The following USP6NL variants were observed in gnomAD, a reference collection of about 807,000 sequenced individuals.
USP6NL encodes USP6 N-terminal-like protein.
USP6NL carries 26 observed loss-of-function variants against 61.9 expected under a neutral mutation model. The observed-to-expected ratio is 0.42, with a 90% CI of 0.31 to 0.58. The LOEUF is 0.58. USP6NL is among the 20% of genes least tolerant of loss of function. USP6NL has a pLI of 0.16. For synonymous variants in USP6NL, 432 were observed against 390.1 expected (o/e 1.11, Z -1.27); for missense variants, 1,114 against 1,034.3 (o/e 1.08, Z -1.06).
chr10:11,494,325 G>C (rs182135050), intron 7 of USP6NL, among the ~76,000 whole-genome samples: 2 of 152,184 alleles, frequency 1.3e-5, no homozygotes, highest in African/African-American at 4.8e-5. Context: ...TTATCCACAG[G>C]GTTGGGTACT....
rs1838568784 is a variant in USP6NL, at chr10:11,602,483, T to C, written c.-83-4766A>G. ...CGAGTAGCTATTATGAGCCAGGCAG[T>C]GTACTAGGCACCGCAGACACTGCCA... On this transcript the variant is annotated intron_variant, in intron 1 of 14. Coordinates refer to ENST00000609104, the MANE Select transcript of USP6NL (RefSeq NM_014688.5). This position sits in a 1 kb window ranked among gnomAD's most constrained non-coding sequence, Gnocchi z 4.8. 6.6e-6 allele frequency among the ~76,000 whole-genome samples: 1 copy of C among 152,204 alleles called. No homozygotes were observed. The highest frequency in any genetic ancestry group is 2.1e-4 in the South Asian group (1 of 4,834).
chr10:11,486,038 T>C (rs1833453516), intron 10 of USP6NL, 127 bp from the exon 11 acceptor site: 1 of 637,882 alleles, frequency 1.6e-6, no homozygotes, highest in African/African-American at 1.9e-5. Flanking sequence ...TACCAAAATA[T>C]TTTTTCTCCC....
chr10:11,467,825 T>C (rs1020178959), intron 14 of USP6NL, among the ~76,000 whole-genome samples: 9 of 152,248 alleles, frequency 5.9e-5, no homozygotes, highest in Non-Finnish European at 1.2e-4. Flanking sequence ...ATATTTTTTC[T>C]GCTGTAAACA....
chr10:11,539,436 C>A lies in USP6NL; in HGVS notation c.5-11869G>T, dbSNP rs527362374. On this transcript the variant is annotated intron_variant, in intron 2 of 14. Coordinates refer to ENST00000609104, the MANE Select transcript of USP6NL (RefSeq NM_014688.5). Reference sequence around the variant, plus strand: ...CACTTAGTGACTCCCTGGAACCCACCAAATCAGACTAGTAACTCCTACATT... The same window carrying A: ...CACTTAGTGACTCCCTGGAACCCACAAAATCAGACTAGTAACTCCTACATT... Among the ~76,000 whole-genome samples the A allele has an allele frequency of 5.9e-5, 9 of 152,334 alleles. No individual in the cohort carries two copies. The South Asian group carries it at 1.7e-3, about 28-fold the overall frequency.
At chr10:11,506,393 A>G (rs1566143465) in intron 6 of USP6NL, among the ~76,000 whole-genome samples, 1 of 152,156 alleles carries the variant, frequency 6.6e-6, no homozygotes, top group African/African-American at 2.4e-5. Flanking sequence ...TGTAATCCCA[A>G]TGCTTTTGGA....
At position 11,518,287 on chromosome 10, in the gene USP6NL, C is replaced by G. The variant is rs1232149007; in HGVS notation, c.195+248G>C. Among the ~76,000 whole-genome samples the G allele has an allele frequency of 6.6e-6, 1 of 152,194 alleles. No individual in the cohort carries two copies. Among genetic ancestry groups the G allele is most frequent in the African/African-American group, 2.4e-5 (1 of 41,452 alleles). On this transcript the variant is annotated intron_variant, in intron 5 of 14. Transcript: ENST00000609104. The surrounding 1 kb of genome is among the most constrained non-coding windows in gnomAD (Gnocchi z 5.3). The stretch of plus-strand genomic sequence containing the variant: ...CTCTCAAAGCCTCTCTGTTCTGAAG[C>G]ACGCCTAGCTCAGGACCTGCCAGTC...
rs565655197 is a variant in USP6NL, at chr10:11,553,293, C to T, written c.5-25726G>A. Among the ~76,000 whole-genome samples the T allele has an allele frequency of 1.2e-4, 19 of 152,240 alleles. No individual in the cohort carries two copies. Among genetic ancestry groups the T allele is most frequent in the African/African-American group, 3.4e-4 (14 of 41,534 alleles). Reference sequence around the variant, plus strand: ...TATTGGGATCATTTGGCAGGCATGTCGCAAGTAACTTGCCAATAATGACAA... The same window carrying T: ...TATTGGGATCATTTGGCAGGCATGTTGCAAGTAACTTGCCAATAATGACAA... On this transcript the variant is annotated intron_variant, in intron 2 of 14. Coordinates refer to ENST00000609104, the MANE Select transcript of USP6NL (RefSeq NM_014688.5). This position sits in a 1 kb window ranked among gnomAD's most constrained non-coding sequence, Gnocchi z 4.8.
Position 11,463,115 on chromosome 10 carries a change from A to C in USP6NL, c.1813T>G (p.Phe605Val). ...SPSKVSNKFT[F>V]KVQPPSHARY... is the part of the protein sequence containing the mutation. Reference sequence around the variant, plus strand: ...GCATGACTTGGAGGCTGTACTTTAAAAGTAAACTTGTTGGATACTTTTGAT... The same window carrying C: ...GCATGACTTGGAGGCTGTACTTTAACAGTAAACTTGTTGGATACTTTTGAT... Residue 605 changes from phenylalanine to valine, a missense_variant, in exon 15 of 15, where the codon TTT (phenylalanine) becomes GTT (valine). Coordinates refer to ENST00000609104, the MANE Select transcript of USP6NL (RefSeq NM_014688.5). The surrounding 1 kb of genome is among the most constrained non-coding windows in gnomAD (Gnocchi z 6.3). 3 of 1,614,004 alleles carry C rather than the reference A, an allele frequency of 1.9e-6. No individual in the cohort carries two copies. The highest frequency in any genetic ancestry group is 2.5e-6 in the Non-Finnish European group (3 of 1,179,892).
intron 6 of USP6NL, among the ~76,000 whole-genome samples, chr10:11,503,433 C>T (rs1037325576): frequency 6.6e-6 from 1 of 152,066 alleles, no homozygotes; most frequent in Non-Finnish European, 1.5e-5. Context: ...AAAAAAACTC[C>T]ATCAAATGGC....
At chr10:11,524,203 C>A (rs1471289680) in intron 4 of USP6NL, among the ~76,000 whole-genome samples, 1 of 152,082 alleles carries the variant, frequency 6.6e-6, no homozygotes. Context: ...AGAAACAGGG[C>A]AAAACCTGTC....
Position 11,597,625 on chromosome 10 carries a change from A to G in USP6NL, c.4+6T>C. On this transcript the variant is annotated splice_donor_region_variant and intron_variant, in intron 2 of 14. Transcript: ENST00000609104. The surrounding 1 kb of genome is among the most constrained non-coding windows in gnomAD (Gnocchi z 4.6). ...TGGCTGGAAGGAAAGGAAGCAGCGCACTTACTCATGACTGGAAATGGGTCT... is the reference window on the plus strand; with the variant it reads ...TGGCTGGAAGGAAAGGAAGCAGCGCGCTTACTCATGACTGGAAATGGGTCT... 6.4e-7 allele frequency: 1 copy of G among 1,551,626 alleles called. No homozygotes were observed. The highest frequency in any genetic ancestry group is 1.2e-5 in the South Asian group (1 of 84,056).
chr10:11,466,573 T>C (rs1001146992), intron 14 of USP6NL, among the ~76,000 whole-genome samples: 2 of 152,200 alleles, frequency 1.3e-5, no homozygotes, highest in East Asian at 1.9e-4. Flanking sequence ...AAGAAAAACC[T>C]AGCATATTTC....
intron 5 of USP6NL, among the ~76,000 whole-genome samples, chr10:11,517,668 A>C (rs974008816): frequency 6.6e-6 from 1 of 152,248 alleles, no homozygotes; most frequent in Non-Finnish European, 1.5e-5. Flanking sequence ...CTCTATATAC[A>C]TAAAATGGCA....
intron 2 of USP6NL, among the ~76,000 whole-genome samples, chr10:11,531,367 G>C (rs989260339): frequency 6.6e-6 from 1 of 151,318 alleles, no homozygotes; most frequent in Non-Finnish European, 1.5e-5. Flanking sequence ...CTGTTGCCCA[G>C]GCTGGAGTGC....
chr10:11,543,482 C>T (rs1020337802), intron 2 of USP6NL, among the ~76,000 whole-genome samples: 24 of 151,798 alleles, frequency 1.6e-4, no homozygotes, highest in African/African-American at 4.8e-4. Context: ...GCAGAGCTTG[C>T]AGTGAGCTGA....
rs1836360032 is a variant in USP6NL, at chr10:11,548,366, A to G, written c.5-20799T>C. Among the ~76,000 whole-genome samples the G allele has an allele frequency of 6.6e-6, 1 of 152,226 alleles. No individual in the cohort carries two copies. Among genetic ancestry groups the G allele is most frequent in the African/African-American group, 2.4e-5 (1 of 41,454 alleles). On this transcript the variant is annotated intron_variant, in intron 2 of 14. Coordinates refer to ENST00000609104, the MANE Select transcript of USP6NL (RefSeq NM_014688.5). This position sits in a 1 kb window ranked among gnomAD's most constrained non-coding sequence, Gnocchi z 4.3. Reference sequence around the variant, plus strand: ...ACTTTTATTTTCTGGCTGTTAAGTCAATTTAATGGGTTCTTATTAGCACAT... The same window carrying G: ...ACTTTTATTTTCTGGCTGTTAAGTCGATTTAATGGGTTCTTATTAGCACAT...
At position 11,512,077 on chromosome 10, in the gene USP6NL, C is replaced by A. The variant is rs551560198; in HGVS notation, c.196-2402G>T. 5.3e-5 allele frequency among the ~76,000 whole-genome samples: 8 copies of A among 152,224 alleles called. No individual in the cohort carries two copies. In the South Asian group the frequency reaches 1.7e-3, roughly 32 times the overall value. On this transcript the variant is annotated intron_variant, in intron 5 of 14. Coordinates refer to ENST00000609104, the MANE Select transcript of USP6NL (RefSeq NM_014688.5). ...TTGAAGAAGTAACTGAAAACATATT[C>A]ATATGTGACAAATGTGAACTTAAGT...
chr10:11,475,430 TA>T (rs532333723), intron 14 of USP6NL, among the ~76,000 whole-genome samples: 1 of 151,172 alleles, frequency 6.6e-6, no homozygotes, highest in Admixed American at 6.6e-5. Flanking sequence ...CCATCTCTAC[TA>T]AAAAAAATTA....
intron 6 of USP6NL, among the ~76,000 whole-genome samples, chr10:11,503,457 A>G (rs1256203213): frequency 6.6e-6 from 1 of 152,198 alleles, no homozygotes; most frequent in Non-Finnish European, 1.5e-5. Flanking sequence ...GATTACATTA[A>G]AAAGTAGGAA....
Sources: gnomAD v4.1 joint callset for allele counts (sites outside exome capture counted in the v4.1 genomes callset) on GRCh38, gnomAD v4.1.1 for gene constraint, Gnocchi (gnomAD v3.1) non-coding constraint, MANE v1.5 for transcripts, NCBI Gene and HGNC (gene_info 2026-07-23, HGNC 2026-07-21) for gene names.